The following GNAL variants were observed in gnomAD, a reference collection of about 807,000 sequenced individuals.
GNAL encodes the protein G protein subunit alpha L, also known as guanine nucleotide-binding protein G(olf) subunit alpha.
A neutral mutation model predicts 55.1 loss-of-function variants in GNAL; 18 were observed. That is an observed-to-expected ratio of 0.33 (90% CI 0.23 to 0.48). GNAL has a LOEUF of 0.48. Among genes scored for constraint, GNAL ranks in the 20% least tolerant of loss-of-function variants. The pLI is 0.99. For synonymous variants in GNAL, 253 were observed against 237.0 expected, an observed-to-expected ratio of 1.07 and a Z score of -0.62; for missense variants, 412 against 614.1, an observed-to-expected ratio of 0.67 and a Z score of 3.48.
intron 1 of GNAL, among the ~76,000 whole-genome samples, chr18:11,726,340 G>T (rs999027849): frequency 6.6e-6 from 1 of 152,228 alleles, no homozygotes; most frequent in Non-Finnish European, 1.5e-5. Flanking sequence ...CCTCTTTTAG[G>T]ATTCTTAGGA....
At chr18:11,826,859 G>C (rs928421581) in intron 5 of GNAL, among the ~76,000 whole-genome samples, 19 of 152,178 alleles carry the variant, frequency 1.2e-4, no homozygotes, top group Non-Finnish European at 2.4e-4. Flanking sequence ...AGAGGCAGAT[G>C]GCCCCAGTGT....
chr18:11,782,065 C>G (rs964762920), intron 4 of GNAL, among the ~76,000 whole-genome samples: 4 of 152,206 alleles, frequency 2.6e-5, no homozygotes, highest in African/African-American at 7.2e-5. Context: ...GCCTGTAATC[C>G]TAGCAATTTG....
At chr18:11,738,153 G>A (rs1421175586) in intron 1 of GNAL, among the ~76,000 whole-genome samples, 2 of 152,240 alleles carry the variant, frequency 1.3e-5, no homozygotes, top group Non-Finnish European at 2.9e-5. Context: ...CTGCTTCCAG[G>A]CTTTCTCTCT....
At chr18:11,789,820 A>C (rs770796100) in intron 4 of GNAL, among the ~76,000 whole-genome samples, 4 of 152,224 alleles carry the variant, frequency 2.6e-5, no homozygotes, top group Non-Finnish European at 5.9e-5. Context: ...TAGACCCAGA[A>C]GCTGGGAAAG....
chr18:11,827,269 A>G (rs1239140665), intron 5 of GNAL, among the ~76,000 whole-genome samples: 4 of 152,196 alleles, frequency 2.6e-5, no homozygotes, highest in Admixed American at 6.5e-5. Flanking sequence ...TCCATTATAC[A>G]CTAAAGAAAG....
chr18:11,771,780 T>G (rs1324310612), intron 4 of GNAL, among the ~76,000 whole-genome samples: 1 of 152,096 alleles, frequency 6.6e-6, no homozygotes, highest in African/African-American at 2.4e-5. Flanking sequence ...AGTGGTGCGA[T>G]CTCAGCTCAC....
At chr18:11,717,655 A>G (rs1239455645) in intron 1 of GNAL, among the ~76,000 whole-genome samples, 1 of 152,234 alleles carries the variant, frequency 6.6e-6, no homozygotes, top group African/African-American at 2.4e-5. Context: ...ACATGGGTGG[A>G]GCTGGAATCC....
chr18:11,825,920 A>G (rs1378137186), intron 5 of GNAL, among the ~76,000 whole-genome samples: 1 of 152,166 alleles, frequency 6.6e-6, no homozygotes. Flanking sequence ...TTTGATAATT[A>G]AAAATTGTAG....
At chr18:11,857,896 TATC>T in intron 5 of GNAL, 1 of 201,838 alleles carries the variant, frequency 5.0e-6, no homozygotes, top group Non-Finnish European at 8.8e-6. Flanking sequence ...TGTAGATAAA[TATC>T]ATGAGTCAAA....
intron 1 of GNAL, among the ~76,000 whole-genome samples, chr18:11,748,115 C>A (rs1453988630): frequency 6.6e-6 from 1 of 152,184 alleles, no homozygotes; most frequent in Non-Finnish European, 1.5e-5. Context: ...AGAAAAAGGT[C>A]AGGTGATTGG....
chr18:11,786,839 C>T (rs1297835049), intron 4 of GNAL, among the ~76,000 whole-genome samples: 2 of 152,092 alleles, frequency 1.3e-5, no homozygotes, highest in East Asian at 3.9e-4. Flanking sequence ...TTTATACTTC[C>T]CAATCTAATC....
chr18:11,773,371 G>A lies in GNAL; in HGVS notation c.624+19426G>A, dbSNP rs1460447218. 2.0e-5 allele frequency among the ~76,000 whole-genome samples: 3 copies of A among 152,228 alleles called. No homozygotes were observed. The East Asian group carries it at 5.8e-4, about 29-fold the overall frequency. ...TGTTGGAGCAGGAGATAAACGGGAT[G>A]ACACACTACATAACCAGTCTCTGAA... On this transcript the variant is annotated intron_variant, in intron 4 of 11. Coordinates refer to ENST00000334049, the MANE Select transcript of GNAL (RefSeq NM_182978.4).
intron 5 of GNAL, among the ~76,000 whole-genome samples, chr18:11,838,414 G>A (rs544527104): frequency 2.0e-5 from 3 of 152,282 alleles, no homozygotes; most frequent in Middle Eastern, 3.4e-3. Flanking sequence ...GGGGGATGAG[G>A]AATCGCTTTA....
chr18:11,732,504 T>C (rs2032361934), intron 1 of GNAL, among the ~76,000 whole-genome samples: 1 of 152,246 alleles, frequency 6.6e-6, no homozygotes, highest in South Asian at 2.1e-4. Context: ...TTTGTTCCTA[T>C]TTTAATTGGG....
intron 1 of GNAL, among the ~76,000 whole-genome samples, chr18:11,720,822 C>T (rs1346131515): frequency 2.0e-5 from 3 of 152,204 alleles, no homozygotes; most frequent in Non-Finnish European, 4.4e-5. Flanking sequence ...ATGGAGAGCT[C>T]ACTTCCTGTT....
At position 11,750,167 on chromosome 18, in the gene GNAL, G is replaced by A. The variant is rs73397871; in HGVS notation, c.377-2686G>A. Reference sequence around the variant, plus strand: ...CGGGATGCGGTAACTGTTGGGGTTTGTAAGAAAATGGAATCTGGCATAACT... The same window carrying A: ...CGGGATGCGGTAACTGTTGGGGTTTATAAGAAAATGGAATCTGGCATAACT... On this transcript the variant is annotated intron_variant, in intron 1 of 11. Transcript: ENST00000334049. 9.4e-3 allele frequency among the ~76,000 whole-genome samples: 1,425 copies of A among 152,302 alleles called. 11 individuals carry two copies. The highest frequency in any genetic ancestry group is 0.017 in the African/African-American group (720 of 41,536).
Position 11,752,755 on chromosome 18 carries a change from C to G in GNAL, c.377-98C>G. On this transcript the variant is annotated intron_variant, in intron 1 of 11. Coordinates refer to ENST00000334049, the MANE Select transcript of GNAL (RefSeq NM_182978.4). This position sits in a 1 kb window ranked among gnomAD's most constrained non-coding sequence, Gnocchi z 4.5. ...CCAGGAACCCGCGTGTAGGAAATCC[C>G]CGTGCTGGGGGAGGAGGATTGCTCA... The G allele has an allele frequency of 8.6e-7, 1 of 1,156,532 alleles. No individual in the cohort carries two copies. Among genetic ancestry groups the G allele is most frequent in the Admixed American group, 1.8e-5 (1 of 55,018 alleles). 71.6% of individuals were successfully genotyped at this position (1,156,532 alleles called of 1,614,324 possible).
At chr18:11,822,191 C>T (rs2035113640) in intron 4 of GNAL, among the ~76,000 whole-genome samples, 1 of 152,152 alleles carries the variant, frequency 6.6e-6, no homozygotes, top group Non-Finnish European at 1.5e-5. Flanking sequence ...GTTTCTCGGG[C>T]GGGGCGTGGT....
intron 11 of GNAL, among the ~76,000 whole-genome samples, chr18:11,877,029 C>T (rs2036547497): frequency 6.6e-6 from 1 of 152,230 alleles, no homozygotes; most frequent in Non-Finnish European, 1.5e-5. Flanking sequence ...TTCCTCCATC[C>T]AAAAGCACTA....
Sources: gnomAD v4.1 joint callset for allele counts (sites outside exome capture counted in the v4.1 genomes callset) on GRCh38, gnomAD v4.1.1 for gene constraint, Gnocchi (gnomAD v3.1) non-coding constraint, MANE v1.5 for transcripts, NCBI Gene and HGNC (gene_info 2026-07-23, HGNC 2026-07-21) for gene names.